PCP4: variants seen among roughly 807,000 people sequenced by gnomAD.
PCP4 encodes the protein Purkinje cell protein 4, also known as calmodulin regulator protein PCP4.
PCP4 carries 8 observed loss-of-function variants against 10.0 expected under a neutral mutation model. The ratio of observed to expected loss-of-function variants is 0.80; its 90% CI spans 0.47 to 1.45. The LOEUF is 1.45. Among genes scored for constraint, PCP4 ranks in the 40% most tolerant of loss-of-function variants. PCP4 has a pLI of 0.00. For synonymous variants in PCP4, 21 were observed against 23.0 expected (o/e 0.91, Z 0.24); for missense variants, 54 against 74.4 (o/e 0.73, Z 1.01).
intron 1 of PCP4, 30 bp from the exon 2 acceptor site, chr21:39,898,446 T>C (rs2087467804): frequency 2.5e-6 from 4 of 1,588,720 alleles, no homozygotes; most frequent in Non-Finnish European, 3.5e-6. Context: ...CTGATAACAA[T>C]TGCTTTTTTC....
At chr21:39,925,585 G>A (rs929026608) in intron 2 of PCP4, among the ~76,000 whole-genome samples, 2 of 152,354 alleles carry the variant, frequency 1.3e-5, no homozygotes, top group South Asian at 2.1e-4. Flanking sequence ...CAATTGCACC[G>A]TGAAGAACTG....
At chr21:39,923,305 G>C (rs1464504820) in intron 2 of PCP4, among the ~76,000 whole-genome samples, 1 of 152,202 alleles carries the variant, frequency 6.6e-6, no homozygotes, top group Non-Finnish European at 1.5e-5. Flanking sequence ...CAGCCTTGAT[G>C]GGCAGAAAGC....
chr21:39,880,502 C>G (rs867378570), intron 1 of PCP4, among the ~76,000 whole-genome samples: 1 of 151,936 alleles, frequency 6.6e-6, no homozygotes, highest in Non-Finnish European at 1.5e-5. Context: ...TGTGTGTATA[C>G]GTGTATATGT....
chr21:39,895,751 A>G (rs1039294443), intron 1 of PCP4, among the ~76,000 whole-genome samples: 3 of 152,242 alleles, frequency 2.0e-5, no homozygotes, highest in African/African-American at 7.2e-5. Context: ...CAGCAGCATG[A>G]ACCATGATTA....
At chr21:39,916,411 A>G (rs1294273385) in intron 2 of PCP4, among the ~76,000 whole-genome samples, 1 of 151,900 alleles carries the variant, frequency 6.6e-6, no homozygotes, top group Non-Finnish European at 1.5e-5. Context: ...AGCAGAATCT[A>G]CTCTTGTTGG....
At chr21:39,922,294 C>G (rs2251453) in intron 2 of PCP4, among the ~76,000 whole-genome samples, 19,474 of 152,208 alleles carry the variant, frequency 0.13, 1,321 homozygotes, top group South Asian at 0.24. Context: ...GAGGGAGGAT[C>G]TATTTAATGC....
intron 2 of PCP4, among the ~76,000 whole-genome samples, chr21:39,928,347 C>T (rs1224759918): frequency 2.0e-5 from 3 of 152,228 alleles, no homozygotes; most frequent in Admixed American, 1.3e-4. Context: ...CACCACCCCC[C>T]ACTTTGTGTC....
intron 2 of PCP4, among the ~76,000 whole-genome samples, chr21:39,927,341 CT>C (rs1490899863): frequency 1.7e-3 from 54 of 31,826 alleles, no homozygotes; most frequent in Admixed American, 2.7e-3. Flanking sequence ...ATCTATCTGT[CT>C]ATCTATCTAT....
At chr21:39,924,870 G>A (rs1336215374) in intron 2 of PCP4, among the ~76,000 whole-genome samples, 3 of 152,200 alleles carry the variant, frequency 2.0e-5, no homozygotes, top group African/African-American at 7.2e-5. Flanking sequence ...GCTATTGGTG[G>A]CAGGCTCTGT....
At chr21:39,896,034 GTTAA>G (rs1455563791) in intron 1 of PCP4, among the ~76,000 whole-genome samples, 1 of 152,082 alleles carries the variant, frequency 6.6e-6, no homozygotes, top group Non-Finnish European at 1.5e-5. Flanking sequence ...TTGTGTCTCC[GTTAA>G]ATAGAACCTG....
intron 1 of PCP4, among the ~76,000 whole-genome samples, chr21:39,890,236 T>C (rs2087423051): frequency 6.6e-6 from 1 of 152,236 alleles, no homozygotes; most frequent in African/African-American, 2.4e-5. Flanking sequence ...TTCTCCAATC[T>C]TTTCCTTACT....
intron 2 of PCP4, among the ~76,000 whole-genome samples, chr21:39,926,419 A>G (rs1403362176): frequency 3.3e-5 from 5 of 152,220 alleles, no homozygotes; most frequent in Non-Finnish European, 5.9e-5. Context: ...AAGGGAAAAG[A>G]CAAATCAGGC....
At chr21:39,889,505 C>T (rs1013218982) in intron 1 of PCP4, among the ~76,000 whole-genome samples, 22 of 149,310 alleles carry the variant, frequency 1.5e-4, no homozygotes, top group Non-Finnish European at 2.1e-4. Flanking sequence ...CAAGCTCCGC[C>T]TCCCGGGTTC....
intron 1 of PCP4, among the ~76,000 whole-genome samples, chr21:39,880,971 GTTAGATGAGTTGGTTGTTCGTA>G (rs2087372751): frequency 6.6e-6 from 1 of 152,116 alleles, no homozygotes; most frequent in Non-Finnish European, 1.5e-5. Context: ...AGGCACAGCT[GTTAGATGAGTTGGTTGTTCGTA>G]TTGGTGGTCG....
chr21:39,909,366 T>G (rs1214599060), intron 2 of PCP4, among the ~76,000 whole-genome samples: 1 of 152,202 alleles, frequency 6.6e-6, no homozygotes, highest in Non-Finnish European at 1.5e-5. Flanking sequence ...GACATGTTAT[T>G]TCCTTCAGTC....
chr21:39,898,045 CAAAAAAA>C (rs780273912), intron 1 of PCP4, among the ~76,000 whole-genome samples: 1 of 74,054 alleles, frequency 1.4e-5, no homozygotes, highest in East Asian at 4.7e-4. Flanking sequence ...GACTCAGTCT[CAAAAAAA>C]AAAAAAAAAA....
chr21:39,877,531 T>TAA (rs397866347), intron 1 of PCP4, among the ~76,000 whole-genome samples: 63 of 138,718 alleles, frequency 4.5e-4, no homozygotes, highest in African/African-American at 1.6e-3. Context: ...TACCAAAAAT[T>TAA]AAAAAAAAAA....
At chr21:39,905,657 C>T (rs1216973367) in intron 2 of PCP4, among the ~76,000 whole-genome samples, 1 of 152,194 alleles carries the variant, frequency 6.6e-6, no homozygotes, top group Non-Finnish European at 1.5e-5. Flanking sequence ...TGCTTCTGAT[C>T]AGTCTTGGGT....
chr21:39,881,229 G>A (rs575671262), intron 1 of PCP4, among the ~76,000 whole-genome samples: 2 of 152,222 alleles, frequency 1.3e-5, no homozygotes, highest in South Asian at 2.1e-4. Flanking sequence ...TTGAATGTTG[G>A]GGGGAGAAAC....
Sources: gnomAD v4.1 joint callset for allele counts (sites outside exome capture counted in the v4.1 genomes callset) on GRCh38, gnomAD v4.1.1 for gene constraint, MANE v1.5 for transcripts, NCBI Gene and HGNC (gene_info 2026-07-23, HGNC 2026-07-21) for gene names.